PLCXD3: variants seen among roughly 807,000 people sequenced by gnomAD.
The protein encoded by PLCXD3 is PI-PLC X domain-containing protein 3.
A neutral mutation model predicts 25.5 loss-of-function variants in PLCXD3; 19 were observed. The ratio of observed to expected loss-of-function variants is 0.75; its 90% CI spans 0.52 to 1.09. The LOEUF (loss-of-function observed/expected upper bound fraction) is 1.09, where lower values mean the gene tolerates loss of function less well. PLCXD3 is among the 50% of genes least tolerant of loss of function. The pLI, the probability that PLCXD3 is intolerant of heterozygous loss-of-function variation, is 0.00. For synonymous variants in PLCXD3, 174 were observed against 137.6 expected (o/e 1.26, Z -1.85); for missense variants, 411 against 388.1 (o/e 1.06, Z -0.50).
chr5:41,507,893 C>T (rs1477365714), intron 1 of PLCXD3, among the ~76,000 whole-genome samples: 2 of 152,198 alleles, frequency 1.3e-5, no homozygotes, highest in African/African-American at 2.4e-5. Flanking sequence ...GTTTAATAGT[C>T]TCCAATTAGT....
intron 2 of PLCXD3, 35 bp downstream of exon 2, chr5:41,381,791 T>G: frequency 6.8e-7 from 1 of 1,465,926 alleles, no homozygotes; most frequent in African/African-American, 1.7e-5. Context: ...GTTAAATTAT[T>G]TGAGGTTTCC....
At chr5:41,461,677 G>C (rs1237529941) in intron 1 of PLCXD3, among the ~76,000 whole-genome samples, 5 of 151,852 alleles carry the variant, frequency 3.3e-5, no homozygotes, top group African/African-American at 4.8e-5. Flanking sequence ...AGAAAGGGGT[G>C]GTAACACCAT....
intron 1 of PLCXD3, among the ~76,000 whole-genome samples, chr5:41,456,089 T>G (rs1384074164): frequency 6.6e-6 from 1 of 151,888 alleles, no homozygotes; most frequent in Non-Finnish European, 1.5e-5. Context: ...TAGGGTGTGA[T>G]AAAGGGAACT....
At position 41,487,382 on chromosome 5, in the gene PLCXD3, A is replaced by G. The variant is rs560619465; in HGVS notation, c.103+23042T>C. 2.3e-3 allele frequency among the ~76,000 whole-genome samples: 350 copies of G among 152,320 alleles called. 3 individuals are homozygous for G. Among genetic ancestry groups the G allele is most frequent in the Non-Finnish European group, 3.3e-3 (226 of 68,020 alleles). On this transcript the variant is annotated intron_variant, in intron 1 of 2. Coordinates refer to ENST00000377801, the MANE Select transcript of PLCXD3 (RefSeq NM_001005473.3). ...GGTTCTCTTTCTCTTAGATCAACAGAGCAGAAGCCTTTGTGCAAGGGCAGA... is the reference window on the plus strand; with the variant it reads ...GGTTCTCTTTCTCTTAGATCAACAGGGCAGAAGCCTTTGTGCAAGGGCAGA...
intron 2 of PLCXD3, among the ~76,000 whole-genome samples, chr5:41,315,813 G>A (rs377683281): frequency 2.0e-5 from 3 of 152,098 alleles, no homozygotes. Context: ...AATGAAAACC[G>A]GACCTAACTC....
In PLCXD3 at chr5:41,312,718, TTCCTTC is replaced by T. The variant is rs1743170724; in HGVS notation, c.*893_*898del. The T allele has an allele frequency of 9.6e-5, 14 of 145,894 alleles. No homozygotes were observed. The highest frequency in any genetic ancestry group is 3.4e-3 in the Middle Eastern group (1 of 296). 9.0% of individuals were successfully genotyped at this position (145,894 alleles called of 1,614,324 possible). ...CTTCCTTCCTTCCTTCCTTCCTTCC[TTCCTTC>T]CTTCCTTCCTTCTGTCTTTTTCTTT... On this transcript the variant is annotated 3_prime_UTR_variant, in exon 3 of 3. Coordinates refer to ENST00000377801, the MANE Select transcript of PLCXD3 (RefSeq NM_001005473.3).
At chr5:41,510,293 G>A in intron 1 of PLCXD3, 131 bp downstream of exon 1, 1 of 822,828 alleles carries the variant, frequency 1.2e-6, no homozygotes, top group Non-Finnish European at 1.9e-6. Context: ...CGCCTGGCCT[G>A]AGACCCACCC....
chr5:41,371,281 G>A (rs1229670938), intron 2 of PLCXD3, among the ~76,000 whole-genome samples: 5 of 152,084 alleles, frequency 3.3e-5, no homozygotes, highest in Non-Finnish European at 7.4e-5. Flanking sequence ...TTGAAAAACG[G>A]GGAAAGAAAA....
rs71608604 is a variant in PLCXD3 at position 41,365,910 on chromosome 5, CATTTATTTATTTATTT to C, written c.812+15900_812+15915del. 6.2e-3 allele frequency among the ~76,000 whole-genome samples: 917 copies of C among 147,598 alleles called. 13 individuals are homozygous for C. The highest frequency in any genetic ancestry group is 0.02 in the African/African-American group (796 of 40,346). ...TTTGTCCTTGTTCTCAATAGGTCACCATTTATTTATTTATTTATTTATTTATTTATTTATTTATTTA... is the reference window on the plus strand; with the variant it reads ...TTTGTCCTTGTTCTCAATAGGTCACCATTTATTTATTTATTTATTTATTTA... On this transcript the variant is annotated intron_variant, in intron 2 of 2. Coordinates refer to ENST00000377801, the MANE Select transcript of PLCXD3 (RefSeq NM_001005473.3).
intron 1 of PLCXD3, among the ~76,000 whole-genome samples, chr5:41,459,232 T>C (rs1202344504): frequency 6.6e-6 from 1 of 151,840 alleles, no homozygotes; most frequent in Non-Finnish European, 1.5e-5. Flanking sequence ...ACAGGTTAGG[T>C]GGGGTTCATA....
At chr5:41,498,101 C>T (rs942237983) in intron 1 of PLCXD3, among the ~76,000 whole-genome samples, 2 of 151,090 alleles carry the variant, frequency 1.3e-5, no homozygotes, top group African/African-American at 4.9e-5. Context: ...AAGATAAAAA[C>T]CTTAACCTAA....
intron 1 of PLCXD3, among the ~76,000 whole-genome samples, chr5:41,397,580 G>C (rs115808652): frequency 0.012 from 1,783 of 152,314 alleles, 40 homozygotes; most frequent in African/African-American, 0.041. Context: ...ACGACACAGA[G>C]TCCCCACTGG....
chr5:41,395,371 A>G (rs1745971222), intron 1 of PLCXD3, among the ~76,000 whole-genome samples: 2 of 152,114 alleles, frequency 1.3e-5, no homozygotes, highest in Admixed American at 6.6e-5. Flanking sequence ...ACATCAAAAC[A>G]AGGAAAAACT....
At chr5:41,484,252 C>A (rs1171599525) in intron 1 of PLCXD3, among the ~76,000 whole-genome samples, 1 of 129,320 alleles carries the variant, frequency 7.7e-6, no homozygotes, top group Non-Finnish European at 1.6e-5. Context: ...CATGCACACA[C>A]ACACACACAC....
intron 1 of PLCXD3, among the ~76,000 whole-genome samples, chr5:41,500,596 C>T (rs960449096): frequency 2.6e-5 from 4 of 151,268 alleles, no homozygotes; most frequent in Non-Finnish European, 5.9e-5. Flanking sequence ...GCAACTTAAA[C>T]CTAAGACCTG....
At chr5:41,461,827 A>G (rs191622010) in intron 1 of PLCXD3, among the ~76,000 whole-genome samples, 9 of 152,094 alleles carry the variant, frequency 5.9e-5, no homozygotes, top group South Asian at 4.1e-4. Context: ...CCTCACTCCC[A>G]TCCCAGGGAA....
intron 2 of PLCXD3, among the ~76,000 whole-genome samples, chr5:41,364,036 A>G (rs1744867424): frequency 6.6e-6 from 1 of 152,292 alleles, no homozygotes; most frequent in Non-Finnish European, 1.5e-5. Flanking sequence ...TGGCAGCTCT[A>G]GTCCACCAGT....
chr5:41,413,778 A>T (rs1037767841), intron 1 of PLCXD3, among the ~76,000 whole-genome samples: 1 of 152,194 alleles, frequency 6.6e-6, no homozygotes, highest in Non-Finnish European at 1.5e-5. Context: ...GTACAATAAA[A>T]ATCACCTATA....
chr5:41,416,117 T>C (rs1350531007), intron 1 of PLCXD3, among the ~76,000 whole-genome samples: 4 of 152,140 alleles, frequency 2.6e-5, no homozygotes, highest in Non-Finnish European at 2.9e-5. Context: ...CTGACATCAC[T>C]TTTCCATATC....
Sources: gnomAD v4.1 joint callset for allele counts (sites outside exome capture counted in the v4.1 genomes callset) on GRCh38, gnomAD v4.1.1 for gene constraint, MANE v1.5 for transcripts, NCBI Gene and HGNC (gene_info 2026-07-23, HGNC 2026-07-21) for gene names.